Variants in OBI1 observed in about 807,000 individuals in gnomAD.
OBI1 encodes the protein ring finger protein 219.
In OBI1, 59 loss-of-function variants were observed where a neutral mutation model predicts 62.4. The ratio of observed to expected loss-of-function variants is 0.95; its 90% CI spans 0.77 to 1.17. The LOEUF is 1.17. OBI1 is among the 50% of genes most tolerant of loss of function. The probability of loss-of-function intolerance (pLI) is 0.00; values close to 1 mark genes in which losing one functional copy is unlikely to be tolerated. For missense variants in OBI1, 875 were observed against 830.9 expected (o/e 1.05, Z -0.65); for synonymous variants, 302 against 292.8 (o/e 1.03, Z -0.32).
intron 5 of OBI1, among the ~76,000 whole-genome samples, chr13:78,629,709 G>C (rs1875787766): frequency 6.6e-6 from 1 of 152,128 alleles, no homozygotes; most frequent in Non-Finnish European, 1.5e-5. Context: ...GTTCCCTTCA[G>C]CTTCTTCCCT....
chr13:78,645,062 G>C (rs891752388), intron 1 of OBI1, 65 bp from the exon 2 acceptor site: 60 of 1,467,812 alleles, frequency 4.1e-5, no homozygotes, highest in Non-Finnish European at 5.4e-5. Flanking sequence ...AAATGGTTTA[G>C]TTTACAGCAA....
At position 78,644,916 on chromosome 13, in the gene OBI1, A is replaced by C. The variant is rs1876336037; in HGVS notation, c.154T>G (p.Cys52Gly). The C allele has an allele frequency of 6.2e-7, 1 of 1,613,970 alleles. No homozygotes were observed. The highest frequency in any genetic ancestry group is 8.5e-7 in the Non-Finnish European group (1 of 1,179,968). Residue 52 changes from cysteine to glycine, a missense_variant, in exon 2 of 6, where the codon TGT becomes GGT. Transcript: ENST00000282003. ...IDLWLKNNSQ[C>G]PACRVPITPE... ...GTGATGGGGACTCTGCAAGCTGGAC[A>C]CTGGCTATTATTCTTCAACCACAAA...
intron 2 of OBI1, among the ~76,000 whole-genome samples, chr13:78,643,370 T>G (rs1353943295): frequency 6.6e-6 from 1 of 152,146 alleles, no homozygotes; most frequent in Non-Finnish European, 1.5e-5. Flanking sequence ...AGAGAACCAG[T>G]CCTCTACCAG....
intron 1 of OBI1, among the ~76,000 whole-genome samples, chr13:78,646,891 C>A (rs537583998): frequency 6.6e-6 from 1 of 152,322 alleles, no homozygotes; most frequent in South Asian, 2.1e-4. Context: ...GTACCCTGAA[C>A]AATTGCTTTG....
At position 78,615,607 on chromosome 13, in the gene OBI1, G is replaced by A; in HGVS notation, c.2154C>T (p.Ala718=). ...AACTTTTAGTTGCTTTTGATGGGCT[G>A]GCACTGGAAAGGCTGCTCTGGATTT... ...KRKIQSSLSS[A]SPSKATKS Residue 718 remains alanine, a synonymous_variant, in exon 6 of 6, where the codon GCC becomes GCT. Coordinates refer to ENST00000282003, the MANE Select transcript of OBI1 (RefSeq NM_024546.4). 6.2e-7 allele frequency: 1 copy of A among 1,610,800 alleles called. No homozygotes were observed.
intron 1 of OBI1, among the ~76,000 whole-genome samples, chr13:78,652,115 T>G (rs538407901): frequency 2.6e-5 from 4 of 152,340 alleles, no homozygotes; most frequent in Admixed American, 2.6e-4. Context: ...TATCACCACC[T>G]TTGTGTTGGG....
At chr13:78,658,478 T>C (rs1876777198) in intron 1 of OBI1, among the ~76,000 whole-genome samples, 1 of 152,174 alleles carries the variant, frequency 6.6e-6, no homozygotes, top group African/African-American at 2.4e-5. Context: ...CTTATTCTAA[T>C]ACCCTCCAGG....
intron 5 of OBI1, among the ~76,000 whole-genome samples, chr13:78,621,196 G>A (rs1347654043): frequency 6.6e-6 from 1 of 152,120 alleles, no homozygotes; most frequent in Non-Finnish European, 1.5e-5. Context: ...GCTTTATATG[G>A]TTCCAATATG....
At chr13:78,652,146 C>CT (rs1189136360) in intron 1 of OBI1, among the ~76,000 whole-genome samples, 2 of 152,036 alleles carry the variant, frequency 1.3e-5, no homozygotes, top group African/African-American at 4.8e-5. Flanking sequence ...AAACAGGTGA[C>CT]TAATTCATTT....
intron 1 of OBI1, among the ~76,000 whole-genome samples, chr13:78,652,079 T>G (rs569451846): frequency 2.6e-5 from 4 of 152,152 alleles, no homozygotes; most frequent in Non-Finnish European, 4.4e-5. Flanking sequence ...ACAGGAAAGT[T>G]TTCTGCACCT....
At chr13:78,633,672 C>G (rs1252506655) in intron 5 of OBI1, among the ~76,000 whole-genome samples, 1 of 152,124 alleles carries the variant, frequency 6.6e-6, no homozygotes, top group Non-Finnish European at 1.5e-5. Context: ...GATCTTTTCT[C>G]CATTTGCAAC....
intron 5 of OBI1, among the ~76,000 whole-genome samples, chr13:78,634,889 AG>A (rs1875972415): frequency 6.6e-6 from 1 of 152,252 alleles, no homozygotes; most frequent in African/African-American, 2.4e-5. Context: ...TCACCAGATA[AG>A]AAAAAAGTAC....
intron 5 of OBI1, among the ~76,000 whole-genome samples, chr13:78,633,686 T>C (rs1473780227): frequency 6.6e-6 from 1 of 152,110 alleles, no homozygotes; most frequent in African/African-American, 2.4e-5. Flanking sequence ...TTGCAACCCT[T>C]AAATCCCAAC....
At chr13:78,634,961 C>G (rs984006508) in intron 5 of OBI1, 149 bp downstream of exon 5, 1 of 498,784 alleles carries the variant, frequency 2.0e-6, no homozygotes, top group South Asian at 4.0e-5. Flanking sequence ...ACCAACAACA[C>G]GAAGTATAAA....
intron 5 of OBI1, among the ~76,000 whole-genome samples, chr13:78,628,849 CT>C (rs984145353): frequency 6.6e-5 from 10 of 152,084 alleles, no homozygotes; most frequent in Non-Finnish European, 1.5e-4. Flanking sequence ...TATAGAATCT[CT>C]GGTAAAGGCA....
At chr13:78,655,980 T>G (rs1876691324) in intron 1 of OBI1, among the ~76,000 whole-genome samples, 1 of 152,186 alleles carries the variant, frequency 6.6e-6, no homozygotes, top group South Asian at 2.1e-4. Context: ...AGCTGAAAAT[T>G]CTGGATGTAC....
rs746372206 is a variant in OBI1 at position 78,639,090 on chromosome 13, G to A, written c.301-19C>T. 6 of 1,607,074 alleles carry A rather than the reference G, an allele frequency of 3.7e-6. No homozygotes were observed. In the Admixed American group the frequency reaches 1.0e-4, roughly 27 times the overall value. On this transcript the variant is annotated intron_variant, in intron 3 of 5. Transcript: ENST00000282003. ...TTTCGTCCTGAAAAAGCATTGCATA[G>A]TCATGAGGCAGGCATAGACACTAAA...
intron 2 of OBI1, among the ~76,000 whole-genome samples, chr13:78,643,752 C>A (rs1593797948): frequency 6.6e-6 from 1 of 151,938 alleles, no homozygotes; most frequent in Admixed American, 6.6e-5. Context: ...CGCGCCACTG[C>A]ACTCCAGCCT....
intron 5 of OBI1, chr13:78,620,789 T>A (rs1487167935): frequency 2.6e-6 from 1 of 382,208 alleles, no homozygotes; most frequent in Non-Finnish European, 5.1e-6. Flanking sequence ...TATTTTCTCA[T>A]AGTCTATCAC....
Sources: gnomAD v4.1 joint callset for allele counts (sites outside exome capture counted in the v4.1 genomes callset) on GRCh38, gnomAD v4.1.1 for gene constraint, MANE v1.5 for transcripts, NCBI Gene and HGNC (gene_info 2026-07-23, HGNC 2026-07-21) for gene names.